Variants in UBAP1 observed in about 807,000 individuals in gnomAD.
The protein encoded by UBAP1 is ubiquitin associated protein 1, also known as ubiquitin-associated protein 1.
Under a neutral mutation model 39.0 loss-of-function variants are expected in UBAP1, and 5 were observed. The observed-to-expected ratio is 0.13, with a 90% CI of 0.07 to 0.27. UBAP1 has a LOEUF of 0.27. UBAP1 is among the 10% of genes least tolerant of loss of function. UBAP1 has a pLI of 1.00. For synonymous variants in UBAP1, 211 were observed against 225.1 expected (o/e 0.94, Z 0.56); for missense variants, 490 against 608.1 (o/e 0.81, Z 2.04).
intron 1 of UBAP1, among the ~76,000 whole-genome samples, chr9:34,213,433 C>T (rs1409417229): frequency 6.6e-6 from 1 of 152,144 alleles, no homozygotes; most frequent in Non-Finnish European, 1.5e-5. Flanking sequence ...ATCGCTTGAA[C>T]CCAGGAGGTG....
chr9:34,247,352 G>A (rs1834230182), intron 4 of UBAP1, among the ~76,000 whole-genome samples: 1 of 152,102 alleles, frequency 6.6e-6, no homozygotes, highest in Admixed American at 6.6e-5. Flanking sequence ...TTTAAAATCA[G>A]TCATTTAATA....
intron 4 of UBAP1, among the ~76,000 whole-genome samples, chr9:34,245,782 AT>A (rs1405758238): frequency 8.1e-6 from 1 of 123,204 alleles, no homozygotes; most frequent in African/African-American, 3.2e-5. Flanking sequence ...TAATGGGCTG[AT>A]AGACTGACTC....
At chr9:34,204,586 G>T (rs2131542317) in intron 1 of UBAP1, among the ~76,000 whole-genome samples, 1 of 152,078 alleles carries the variant, frequency 6.6e-6, no homozygotes, top group South Asian at 2.1e-4. Flanking sequence ...TTCATAGTTA[G>T]AAAATAATCT....
At chr9:34,217,322 T>C (rs1832381551) in intron 1 of UBAP1, among the ~76,000 whole-genome samples, 2 of 151,886 alleles carry the variant, frequency 1.3e-5, no homozygotes, top group African/African-American at 4.8e-5. Flanking sequence ...CTGCAGCCTC[T>C]GCCTCCTGGG....
chr9:34,204,529 CT>C (rs1831579999), intron 1 of UBAP1, among the ~76,000 whole-genome samples: 1 of 151,604 alleles, frequency 6.6e-6, no homozygotes, highest in South Asian at 2.1e-4. Flanking sequence ...AAGATGAAGT[CT>C]TGTGCTATCT....
intron 1 of UBAP1, among the ~76,000 whole-genome samples, chr9:34,188,815 G>A (rs577767627): frequency 6.6e-6 from 1 of 152,158 alleles, no homozygotes; most frequent in African/African-American, 2.4e-5. Context: ...AAATTAGCCA[G>A]GCATGGTGGT....
intron 1 of UBAP1, among the ~76,000 whole-genome samples, chr9:34,195,236 T>C (rs1830960606): frequency 1.3e-5 from 2 of 152,108 alleles, no homozygotes; most frequent in African/African-American, 4.8e-5. Flanking sequence ...TTTGGTGTTA[T>C]ATCTAAGAAT....
At position 34,226,121 on chromosome 9, in the gene UBAP1, G is replaced by GTGTGTGTGTGTGTGTGTGTGTGTT. The variant is rs1587854639; in HGVS notation, c.34+5196_34+5197insTTGTGTGTGTGTGTGTGTGTGTGT. Among the ~76,000 whole-genome samples the GTGTGTGTGTGTGTGTGTGTGTGTT allele has an allele frequency of 2.3e-3, 225 of 98,314 alleles. 2 individuals carry two copies. The South Asian group carries it at 0.027, about 12-fold the overall frequency. 64.5% of individuals were successfully genotyped at this position (98,314 alleles called of 152,430 possible). ...CCTACTCTATTGTGTGTGTGTGTGT[G>GTGTGTGTGTGTGTGTGTGTGTGTT]TGTGTGTGTGTGTGTGTGTGTGTGT... On this transcript the variant is annotated intron_variant, in intron 2 of 6. Transcript: ENST00000297661.
chr9:34,227,096 C>A (rs1461139988), intron 2 of UBAP1, among the ~76,000 whole-genome samples: 1 of 152,064 alleles, frequency 6.6e-6, no homozygotes, highest in African/African-American at 2.4e-5. Context: ...TTGCTTCTTT[C>A]TGTGTCTTAT....
chr9:34,218,818 C>A (rs571640704), intron 1 of UBAP1, among the ~76,000 whole-genome samples: 56 of 152,208 alleles, frequency 3.7e-4, no homozygotes, highest in Middle Eastern at 3.4e-3. Flanking sequence ...CTCCTGTAAT[C>A]CCAGCTACTC....
rs778191639 is a variant in UBAP1 at position 34,242,126 on chromosome 9, C to T, written c.1083+18C>T. On this transcript the variant is annotated intron_variant, in intron 4 of 6. Transcript: ENST00000297661. ...GTCCCACGGTAAGTCTTTTAAATCCCCCGCCGACTCCCATATTTTCCTGAT... is the reference window on the plus strand; with the variant it reads ...GTCCCACGGTAAGTCTTTTAAATCCTCCGCCGACTCCCATATTTTCCTGAT... The T allele has an allele frequency of 3.9e-6, 6 of 1,550,768 alleles. No individual in the cohort carries two copies. In the South Asian group the frequency reaches 6.0e-5, roughly 15 times the overall value.
At chr9:34,230,752 C>T (rs1024816031) in intron 2 of UBAP1, among the ~76,000 whole-genome samples, 5 of 152,168 alleles carry the variant, frequency 3.3e-5, no homozygotes, top group African/African-American at 1.2e-4. Flanking sequence ...GGGATGACAT[C>T]TGTCTGGTAC....
intron 1 of UBAP1, among the ~76,000 whole-genome samples, chr9:34,200,279 AGTT>A (rs1451624137): frequency 6.6e-6 from 1 of 152,158 alleles, no homozygotes; most frequent in African/African-American, 2.4e-5. Context: ...TTGTTGCTCA[AGTT>A]GTTTTATCTT....
At chr9:34,198,079 G>C (rs777996278) in intron 1 of UBAP1, among the ~76,000 whole-genome samples, 3 of 152,172 alleles carry the variant, frequency 2.0e-5, no homozygotes, top group Non-Finnish European at 4.4e-5. Context: ...GTTAGGTGGG[G>C]CTTGTTCTCT....
chr9:34,205,787 A>AT (rs1262332890), intron 1 of UBAP1, among the ~76,000 whole-genome samples: 2 of 152,056 alleles, frequency 1.3e-5, no homozygotes, highest in Non-Finnish European at 2.9e-5. Flanking sequence ...AGGTCAAGAG[A>AT]TTGAGACCAG....
At chr9:34,239,367 A>T (rs1833853070) in intron 3 of UBAP1, among the ~76,000 whole-genome samples, 1 of 152,236 alleles carries the variant, frequency 6.6e-6, no homozygotes. Context: ...TGGAGTCTCC[A>T]TGGGGTTGTA....
Position 34,223,799 on chromosome 9 carries a change from T to C in UBAP1, c.34+2851T>C, listed in dbSNP as rs531611317. Reference sequence around the variant, plus strand: ...TGAAACTTTCTACCTGAGTAAAATTTAGGAGAAAAATTTTCTTTCTCCCTT... The same window carrying C: ...TGAAACTTTCTACCTGAGTAAAATTCAGGAGAAAAATTTTCTTTCTCCCTT... On this transcript the variant is annotated intron_variant, in intron 2 of 6. Transcript: ENST00000297661. Among the ~76,000 whole-genome samples the C allele has an allele frequency of 5.0e-4, 76 of 152,332 alleles. 1 individual carries two copies. Among genetic ancestry groups the C allele is most frequent in the Non-Finnish European group, 7.2e-4 (49 of 68,020 alleles).
intron 1 of UBAP1, among the ~76,000 whole-genome samples, chr9:34,216,511 G>A (rs1001479946): frequency 6.6e-6 from 1 of 151,780 alleles, no homozygotes; most frequent in Non-Finnish European, 1.5e-5. Context: ...TTTTTTTAGA[G>A]CTGGGGTCTC....
intron 2 of UBAP1, among the ~76,000 whole-genome samples, chr9:34,229,388 G>C (rs1456908449): frequency 3.3e-5 from 5 of 151,838 alleles, no homozygotes; most frequent in African/African-American, 9.7e-5. Context: ...CTCCCGAGTA[G>C]CTGGGATTAC....
Sources: allele counts gnomAD v4.1 joint callset (sites outside exome capture counted in the v4.1 genomes callset), GRCh38; gene constraint gnomAD v4.1.1; transcripts MANE v1.5; gene names NCBI Gene and HGNC (gene_info 2026-07-23, HGNC 2026-07-21).